The following CACNA1C variants were observed in gnomAD, a reference collection of about 807,000 sequenced individuals.
CACNA1C encodes calcium voltage-gated channel subunit alpha1 C.
In CACNA1C, 30 loss-of-function variants were observed where a neutral mutation model predicts 229.0. The observed-to-expected ratio is 0.13, with a 90% CI of 0.10 to 0.18. The LOEUF (loss-of-function observed/expected upper bound fraction) is 0.18, where lower values mean the gene tolerates loss of function less well. Ranked by LOEUF, CACNA1C falls within the 10% of genes least tolerant of loss-of-function variation. The probability of loss-of-function intolerance (pLI) is 1.00; values close to 1 mark genes in which losing one functional copy is unlikely to be tolerated. For synonymous variants in CACNA1C, 1,114 were observed against 1,132.5 expected (o/e 0.98, Z 0.33); for missense variants, 1,658 against 2,845.0 (o/e 0.58, Z 9.49).
chr12:2,565,194 C>T lies in CACNA1C; in HGVS notation c.1509-1228C>T, dbSNP rs565170067. ...TTAAAAATACCCAACCCCGGCCGGG[C>T]GCGGTGGCTCACGCCTGTAATCCCA... On this transcript the variant is annotated intron_variant, in intron 11 of 46. Coordinates refer to ENST00000399655, the MANE Select transcript of CACNA1C (RefSeq NM_000719.7). Among the ~76,000 whole-genome samples the T allele has an allele frequency of 2.8e-3, 422 of 152,104 alleles. 4 individuals carry two copies. Among genetic ancestry groups the T allele is most frequent in the Non-Finnish European group, 4.3e-3 (290 of 67,998 alleles).
chr12:2,248,068 A>G (rs1286271578), intron 3 of CACNA1C, among the ~76,000 whole-genome samples: 2 of 152,118 alleles, frequency 1.3e-5, no homozygotes, highest in Non-Finnish European at 2.9e-5. Flanking sequence ...CTATGTATAT[A>G]TGTGTGTGTG....
In CACNA1C at chr12:2,666,715, C is replaced by A; in HGVS notation, c.4556C>A (p.Thr1519Asn). 1.9e-6 allele frequency: 3 copies of A among 1,600,948 alleles called. No individual in the cohort carries two copies. Among genetic ancestry groups the A allele is most frequent in the Non-Finnish European group, 2.6e-6 (3 of 1,173,564 alleles). ...CGTATCAAACACCTGGATGTGGTGA[C>A]CCTCCTCCGGCGGATTCAGCCGCCA... The part of the protein sequence containing the change: ...KGRIKHLDVV[T>N]LLRRIQPPLG... The change falls in exon 37 of 47, where the codon ACC becomes AAC. Residue 1519 changes from threonine to asparagine, a missense_variant. Transcript: ENST00000399655. The surrounding 1 kb of genome is among the most constrained non-coding windows in gnomAD (Gnocchi z 5.3).
At chr12:2,362,360 C>G (rs1284381620) in intron 3 of CACNA1C, among the ~76,000 whole-genome samples, 1 of 152,306 alleles carries the variant, frequency 6.6e-6, no homozygotes, top group Middle Eastern at 3.4e-3. Context: ...TAGACTGGCA[C>G]TTCTTGGCCT....
chr12:2,115,884 G>A (rs1417587227), intron 2 of CACNA1C, among the ~76,000 whole-genome samples: 1 of 152,252 alleles, frequency 6.6e-6, no homozygotes, highest in African/African-American at 2.4e-5. Context: ...AGCTGAGCTT[G>A]CCCAGGGGCC....
At chr12:1,979,098 C>T (rs1024716120) in intron 1 of CACNA1C, among the ~76,000 whole-genome samples, 6 of 152,254 alleles carry the variant, frequency 3.9e-5, no homozygotes, top group African/African-American at 1.2e-4. Context: ...CTGCAACCTC[C>T]GCCTCCCGCG....
At chr12:2,687,022 A>G (rs1411982010) in intron 45 of CACNA1C, among the ~76,000 whole-genome samples, 3 of 152,276 alleles carry the variant, frequency 2.0e-5, no homozygotes, top group Non-Finnish European at 4.4e-5. Flanking sequence ...ACTGCCAATC[A>G]AAAGTCATAA....
intron 3 of CACNA1C, among the ~76,000 whole-genome samples, chr12:2,443,252 G>A (rs2099246133): frequency 6.6e-6 from 1 of 152,156 alleles, no homozygotes; most frequent in Non-Finnish European, 1.5e-5. Context: ...GTTCCAAAAG[G>A]GAGAAATTGG....
exon 1 of CACNA1C, chr12:1,970,964 G>A: frequency 1.5e-6 from 1 of 660,228 alleles, no homozygotes; most frequent in Non-Finnish European, 2.1e-6. Flanking sequence ...TGTTACTGCA[G>A]GAATAGCTTC....
intron 3 of CACNA1C, among the ~76,000 whole-genome samples, chr12:2,369,403 C>CTTTTTT (rs372810217): frequency 0.3 from 42,434 of 141,384 alleles, 7,226 homozygotes; most frequent in Non-Finnish European, 0.4. Context: ...CTTTACATAC[C>CTTTTTT]TTTTTTTTTT....
chr12:2,189,464 A>T (rs2097147230), intron 3 of CACNA1C, among the ~76,000 whole-genome samples: 1 of 152,190 alleles, frequency 6.6e-6, no homozygotes, highest in African/African-American at 2.4e-5. Context: ...ACGTGTCAGA[A>T]GGGCCCAGTC....
chr12:2,327,138 G>A (rs1330882303), intron 3 of CACNA1C, among the ~76,000 whole-genome samples: 3 of 152,136 alleles, frequency 2.0e-5, no homozygotes, highest in Non-Finnish European at 2.9e-5. Context: ...TGTTCACCTC[G>A]GAGTTTTACA....
At chr12:2,362,449 C>T (rs895748155) in intron 3 of CACNA1C, among the ~76,000 whole-genome samples, 6 of 152,128 alleles carry the variant, frequency 3.9e-5, no homozygotes, top group South Asian at 2.1e-4. Context: ...TTGTGGCACG[C>T]GGAAGTCCTT....
chr12:2,478,399 C>T (rs1465141128), intron 5 of CACNA1C, among the ~76,000 whole-genome samples: 1 of 152,186 alleles, frequency 6.6e-6, no homozygotes, highest in Admixed American at 6.5e-5. Flanking sequence ...GGGGCAGCAG[C>T]TGCAGTGTCA....
intron 1 of CACNA1C, among the ~76,000 whole-genome samples, chr12:2,024,492 C>T (rs2046979846): frequency 6.6e-6 from 1 of 152,200 alleles, no homozygotes; most frequent in Non-Finnish European, 1.5e-5. Context: ...GTGTTGCCCT[C>T]CCTGCATGGC....
chr12:2,608,464 G>A lies in CACNA1C; in HGVS notation c.3357-47G>A, dbSNP rs767549181. The A allele has an allele frequency of 6.9e-7, 1 of 1,446,898 alleles. No individual in the cohort carries two copies. The highest frequency in any genetic ancestry group is 1.9e-5 in the Admixed American group (1 of 51,340). 89.6% of individuals were successfully genotyped at this position (1,446,898 alleles called of 1,614,324 possible). A position where few individuals can be genotyped will look rare whatever the true frequency, so the allele number is the denominator to read the frequency against. ...AGTGGTGCCGTCCTTCCGCAGAGGG[G>A]ACCCTGCTTCTCCAGTTCCCTCTGT... On this transcript the variant is annotated intron_variant, in intron 26 of 46. Transcript: ENST00000399655. The surrounding 1 kb of genome is among the most constrained non-coding windows in gnomAD (Gnocchi z 4.2).
At chr12:2,536,169 C>G (rs2099854627) in intron 9 of CACNA1C, among the ~76,000 whole-genome samples, 1 of 152,216 alleles carries the variant, frequency 6.6e-6, no homozygotes, top group Non-Finnish European at 1.5e-5. Context: ...GAAATCTGAC[C>G]TGCTCTTCAG....
rs35630466 is a variant in CACNA1C at position 2,130,193 on chromosome 12, CTTT to C, written c.477+9781_477+9783del. Among the ~76,000 whole-genome samples the C allele has an allele frequency of 1.8e-3, 207 of 114,110 alleles. 1 individual carries two copies. Among genetic ancestry groups the C allele is most frequent in the Middle Eastern group, 5.5e-3 (1 of 182 alleles). The allele number at this position is 114,110 out of a possible 152,430, so 74.9% of individuals were successfully genotyped here. ...CCCTCGACTACCCCATGAGACCTTT[CTTT>C]TTTTTTTTTTTTTTTTTAATGCCAA... On this transcript the variant is annotated intron_variant, in intron 3 of 46. Transcript: ENST00000399655.
At chr12:2,465,132 C>T (rs2099542065) in intron 5 of CACNA1C, among the ~76,000 whole-genome samples, 1 of 152,100 alleles carries the variant, frequency 6.6e-6, no homozygotes, top group South Asian at 2.1e-4. Flanking sequence ...TAATGGTGTC[C>T]TGCTTATAGT....
intron 38 of CACNA1C, 136 bp downstream of exon 38, chr12:2,669,171 G>A (rs930045630): frequency 1.0e-5 from 7 of 698,408 alleles, no homozygotes; most frequent in African/African-American, 1.7e-5. Flanking sequence ...CGGGGGTAAC[G>A]TGCGCTCCAG....
Sources: allele counts gnomAD v4.1 joint callset (sites outside exome capture counted in the v4.1 genomes callset), GRCh38; gene constraint gnomAD v4.1.1; non-coding constraint Gnocchi (gnomAD v3.1); transcripts MANE v1.5; gene names NCBI Gene and HGNC (gene_info 2026-07-23, HGNC 2026-07-21).